BCL2: variants seen among roughly 807,000 people sequenced by gnomAD.
The protein encoded by BCL2 is BCL2 apoptosis regulator.
BCL2 carries 1 observed loss-of-function variant against 14.2 expected under a neutral mutation model. The ratio of observed to expected loss-of-function variants is 0.07; its 90% CI spans 0.02 to 0.33. The LOEUF (loss-of-function observed/expected upper bound fraction) is 0.33. BCL2 is among the 10% of genes least tolerant of loss of function. The probability of loss-of-function intolerance (pLI) is 0.99; values close to 1 mark genes in which losing one functional copy is unlikely to be tolerated. For synonymous variants in BCL2, 151 were observed against 137.2 expected (o/e 1.10, Z -0.70); for missense variants, 247 against 305.9 (o/e 0.81, Z 1.44).
intron 2 of BCL2, among the ~76,000 whole-genome samples, chr18:63,167,158 G>A (rs548283106): frequency 6.6e-6 from 1 of 152,258 alleles, no homozygotes; most frequent in South Asian, 2.1e-4. Context: ...CTCATTGCTA[G>A]GGGGTTGGCT....
chr18:63,137,038 G>T lies in BCL2; in HGVS notation c.586-8279C>A, dbSNP rs538154356. On this transcript the variant is annotated intron_variant, in intron 2 of 2. Transcript: ENST00000333681. ...GTCTGATCTCTCTGCCTCTGTCTGA[G>T]TCTTGTGCTTTGCCTGTAAATCTCT... Among the ~76,000 whole-genome samples, 15 of 152,332 alleles carry T rather than the reference G, an allele frequency of 9.8e-5. 1 individual carries two copies. Among genetic ancestry groups the T allele is most frequent in the African/African-American group, 3.6e-4 (15 of 41,572 alleles).
chr18:63,242,794 G>A (rs1330326958), intron 2 of BCL2, among the ~76,000 whole-genome samples: 1 of 152,122 alleles, frequency 6.6e-6, no homozygotes, highest in Admixed American at 6.5e-5. Context: ...AAATGCATGT[G>A]GCAATGCACA....
chr18:63,187,814 T>G (rs1052076143), intron 2 of BCL2, among the ~76,000 whole-genome samples: 2 of 152,234 alleles, frequency 1.3e-5, no homozygotes, highest in African/African-American at 2.4e-5. Flanking sequence ...TAATACAGAT[T>G]ACGTTACTTG....
At chr18:63,156,092 A>AAAAC (rs1415500245) in intron 2 of BCL2, among the ~76,000 whole-genome samples, 1 of 151,008 alleles carries the variant, frequency 6.6e-6, no homozygotes, top group East Asian at 2.0e-4. Flanking sequence ...GAAGCCAAAA[A>AAAAC]AAAAAAAAAA....
chr18:63,310,159 G>A (rs377253413), intron 2 of BCL2, among the ~76,000 whole-genome samples: 2 of 152,160 alleles, frequency 1.3e-5, no homozygotes, highest in Non-Finnish European at 2.9e-5. Flanking sequence ...CACTGTGCCT[G>A]CCCTACCCCA....
Position 63,318,642 on chromosome 18 carries a change from A to G in BCL2, c.25T>C (p.Tyr9His). MAHAGRTG[Y>H]DNREIVMKYI... ...TTCATCACTATCTCCCGGTTATCGT[A>G]CCCTGTTCTCCCAGCGTGCGCCATC... The change falls in exon 2 of 3, where the codon TAC becomes CAC. Residue 9 changes from tyrosine to histidine, a missense_variant. Tyr to His is a moderately conservative substitution (Grantham distance 83). Around this residue, in one of 3 missense-constraint regions of BCL2, gnomAD observed 144 missense variants for 135.3 expected, o/e 1.06. Transcript: ENST00000333681. This position sits in a 1 kb window ranked among gnomAD's most constrained non-coding sequence, Gnocchi z 7.4. The G allele has an allele frequency of 6.2e-7, 1 of 1,613,232 alleles. No homozygotes were observed. The highest frequency in any genetic ancestry group is 8.5e-7 in the Non-Finnish European group (1 of 1,179,670).
chr18:63,241,821 C>T (rs1012302642), intron 2 of BCL2, among the ~76,000 whole-genome samples: 2 of 152,190 alleles, frequency 1.3e-5, no homozygotes, highest in African/African-American at 2.4e-5. Flanking sequence ...GTGCCTCACC[C>T]GTCATTACTC....
At chr18:63,189,465 G>A (rs1007141788) in intron 2 of BCL2, among the ~76,000 whole-genome samples, 6 of 152,044 alleles carry the variant, frequency 3.9e-5, no homozygotes, top group Non-Finnish European at 5.9e-5. Flanking sequence ...CTAGTTGAAG[G>A]TCCCTTAACT....
chr18:63,168,262 A>G (rs1915094051), intron 2 of BCL2, among the ~76,000 whole-genome samples: 1 of 152,066 alleles, frequency 6.6e-6, no homozygotes, highest in Admixed American at 6.5e-5. Context: ...GGGCACATTT[A>G]AAAACAGGAC....
chr18:63,257,380 A>T (rs1944419), intron 2 of BCL2, among the ~76,000 whole-genome samples: 62,708 of 152,182 alleles, frequency 0.41, 13,815 homozygotes, highest in South Asian at 0.61. Flanking sequence ...TGCCATCTAA[A>T]ATCAAATAAA....
chr18:63,152,672 G>A (rs1218241073), intron 2 of BCL2, among the ~76,000 whole-genome samples: 2 of 152,130 alleles, frequency 1.3e-5, no homozygotes, highest in Non-Finnish European at 2.9e-5. Context: ...AGTATTCCCA[G>A]GAGGCAAAAC....
At chr18:63,226,132 C>T (rs904046522) in intron 2 of BCL2, among the ~76,000 whole-genome samples, 3 of 152,200 alleles carry the variant, frequency 2.0e-5, no homozygotes, top group South Asian at 2.1e-4. Context: ...GGCCAAACTC[C>T]TGTCTGAAGC....
chr18:63,166,776 A>C (rs576676749), intron 2 of BCL2, among the ~76,000 whole-genome samples: 2 of 152,348 alleles, frequency 1.3e-5, no homozygotes, highest in Non-Finnish European at 2.9e-5. Flanking sequence ...TAATGATTGC[A>C]GCATTAGAAA....
chr18:63,299,380 TC>T (rs1382349314), intron 2 of BCL2, among the ~76,000 whole-genome samples: 1 of 152,232 alleles, frequency 6.6e-6, no homozygotes, highest in Non-Finnish European at 1.5e-5. Context: ...GGTAGTCCCA[TC>T]CTGGGAGTTC....
Position 63,318,874 on chromosome 18 carries a change from A to G in BCL2, c.-208T>C, listed in dbSNP as rs1913601049. 1.4e-6 allele frequency: 2 copies of G among 1,412,752 alleles called. No individual in the cohort carries two copies. The highest frequency in any genetic ancestry group is 3.3e-5 in the Admixed American group (1 of 30,494). The allele number at this position is 1,412,752 out of a possible 1,614,324, so 87.5% of individuals were successfully genotyped here. On this transcript the variant is annotated 5_prime_UTR_variant, in exon 2 of 3. Transcript: ENST00000333681. This position sits in a 1 kb window ranked among gnomAD's most constrained non-coding sequence, Gnocchi z 7.4. Reference sequence around the variant, plus strand: ...TGAGATGCAGGAAATTTTTATTCCAATTCCTTTCGGATCTTTATTTCATGA... The same window carrying G: ...TGAGATGCAGGAAATTTTTATTCCAGTTCCTTTCGGATCTTTATTTCATGA...
chr18:63,237,122 C>T (rs4987770), intron 2 of BCL2, among the ~76,000 whole-genome samples: 16,381 of 152,086 alleles, frequency 0.11, 1,395 homozygotes, highest in African/African-American at 0.23. Flanking sequence ...CGCCGCTGGT[C>T]GGCCCCCACC....
At chr18:63,219,605 G>T (rs1360381522) in intron 2 of BCL2, among the ~76,000 whole-genome samples, 1 of 151,986 alleles carries the variant, frequency 6.6e-6, no homozygotes, top group Non-Finnish European at 1.5e-5. Context: ...TTAAGCGTAA[G>T]CAGAAATGAA....
intron 2 of BCL2, among the ~76,000 whole-genome samples, chr18:63,256,497 G>A (rs899663165): frequency 3.9e-5 from 6 of 152,332 alleles, no homozygotes; most frequent in East Asian, 1.9e-4. Context: ...GATTACAGGC[G>A]TGAGCCACCA....
intron 2 of BCL2, among the ~76,000 whole-genome samples, chr18:63,233,559 C>A (rs1405554997): frequency 1.3e-5 from 2 of 152,136 alleles, no homozygotes; most frequent in Non-Finnish European, 2.9e-5. Flanking sequence ...CAAGATCCCT[C>A]GGGTGCACAG....
Sources: allele counts gnomAD v4.1 joint callset (sites outside exome capture counted in the v4.1 genomes callset), GRCh38; gene constraint gnomAD v4.1.1; regional missense constraint gnomAD v4.1.1; non-coding constraint Gnocchi (gnomAD v3.1); transcripts MANE v1.5; gene names NCBI Gene and HGNC (gene_info 2026-07-23, HGNC 2026-07-21).